Variants in PRDM15 observed in about 807,000 individuals in gnomAD.
PRDM15 encodes the protein PR/SET domain 15, also known as PR domain zinc finger protein 15.
In PRDM15, 64 loss-of-function variants were observed where a neutral mutation model predicts 128.6. The observed-to-expected ratio is 0.50, with a 90% confidence interval of 0.41 to 0.61. The LOEUF (loss-of-function observed/expected upper bound fraction) is 0.61, where lower values mean the gene tolerates loss of function less well. PRDM15 is among the 20% of genes least tolerant of loss of function. PRDM15 has a pLI of 0.00. For synonymous variants in PRDM15, 615 were observed against 621.8 expected, an observed-to-expected ratio of 0.99 and a Z score of 0.16; for missense variants, 1,242 against 1,569.1, an observed-to-expected ratio of 0.79 and a Z score of 3.52.
Position 41,828,708 on chromosome 21 carries a change from A to C in PRDM15, c.1367-375T>G, listed in dbSNP as rs975654597. Among the ~76,000 whole-genome samples, 1 of 151,814 alleles carries C rather than the reference A, an allele frequency of 6.6e-6. No individual in the cohort carries two copies. The highest frequency in any genetic ancestry group is 2.4e-5 in the African/African-American group (1 of 41,194). ...ACCCTCCACCCAGCATGACTGACTGACAGATAGAATGACCTACCTACCAAC... is the reference window on the plus strand; with the variant it reads ...ACCCTCCACCCAGCATGACTGACTGCCAGATAGAATGACCTACCTACCAAC... On this transcript the variant is annotated intron_variant, in intron 11 of 23. Coordinates refer to ENST00000398548, the MANE Select transcript of PRDM15 (RefSeq NM_001040424.3). The surrounding 1 kb of genome is among the most constrained non-coding windows in gnomAD (Gnocchi z 5.7).
intron 1 of PRDM15, chr21:41,871,691 C>A: frequency 6.6e-7 from 1 of 1,512,328 alleles, no homozygotes. Context: ...TGTCTTGAAA[C>A]ATGACAGAAA....
chr21:41,878,063 C>T (rs1230287501), intron 1 of PRDM15, among the ~76,000 whole-genome samples: 1 of 152,204 alleles, frequency 6.6e-6, no homozygotes, highest in Non-Finnish European at 1.5e-5. Flanking sequence ...GGATCACCAC[C>T]CTTATCGAGT....
chr21:41,825,918 G>T (rs1218615933), intron 13 of PRDM15, 42 bp downstream of exon 13: 1 of 1,422,502 alleles, frequency 7.0e-7, no homozygotes, highest in East Asian at 2.3e-5. Flanking sequence ...AGAAAATGAT[G>T]TGCTTTCCAT....
At chr21:41,874,318 G>C (rs1305241917) in intron 1 of PRDM15, among the ~76,000 whole-genome samples, 2 of 151,810 alleles carry the variant, frequency 1.3e-5, no homozygotes, top group Non-Finnish European at 2.9e-5. Flanking sequence ...CAGGTCAGAT[G>C]TGCTGGGGGA....
intron 1 of PRDM15, chr21:41,867,261 A>G (rs777089444): frequency 2.0e-6 from 3 of 1,511,184 alleles, no homozygotes; most frequent in Non-Finnish European, 2.7e-6. Flanking sequence ...TAACACCAAA[A>G]GGAGTTAAGA....
chr21:41,834,535 GCC>G, intron 11 of PRDM15: 1 of 1,549,726 alleles, frequency 6.5e-7, no homozygotes. Context: ...CTGCCGCCGG[GCC>G]CCCCCTCTCC....
intron 21 of PRDM15, among the ~76,000 whole-genome samples, chr21:41,808,942 T>C (rs547833436): frequency 1.3e-5 from 2 of 152,308 alleles, no homozygotes; most frequent in Admixed American, 1.3e-4. Flanking sequence ...CATCCAACGG[T>C]GAGAGCGGCA....
intron 21 of PRDM15, among the ~76,000 whole-genome samples, chr21:41,808,551 A>G (rs1172697151): frequency 2.0e-5 from 3 of 152,256 alleles, no homozygotes; most frequent in Non-Finnish European, 4.4e-5. Context: ...AGTCACTTTC[A>G]TTACAGGACA....
chr21:41,851,963 G>A (rs1367526269), intron 5 of PRDM15, among the ~76,000 whole-genome samples: 1 of 152,218 alleles, frequency 6.6e-6, no homozygotes, highest in African/African-American at 2.4e-5. Flanking sequence ...CATTTACACA[G>A]ACTGTCCTGG....
chr21:41,879,068 GC>G lies in PRDM15; in HGVS notation c.-10+201del. 8.8e-7 allele frequency: 1 copy of G among 1,132,958 alleles called. No individual in the cohort carries two copies. 70.2% of individuals were successfully genotyped at this position (1,132,958 alleles called of 1,614,324 possible). On this transcript the variant is annotated intron_variant, in intron 1 of 23. Transcript: ENST00000398548. This position sits in a 1 kb window ranked among gnomAD's most constrained non-coding sequence, Gnocchi z 5.1. ...ATCCAGCCGGGTTTTGACTCCGATC[GC>G]CAACGGTGCCCGCAGCCGGCGAATG...
chr21:41,833,129 C>T (rs73219061), intron 11 of PRDM15, among the ~76,000 whole-genome samples: 13,035 of 152,150 alleles, frequency 0.086, 711 homozygotes, highest in East Asian at 0.28. Context: ...GCTGGTGGGC[C>T]GCATTTTGCC....
chr21:41,860,280 G>A, intron 2 of PRDM15, 47 bp downstream of exon 2: 7 of 1,508,814 alleles, frequency 4.6e-6, no homozygotes, highest in Non-Finnish European at 6.5e-6. Context: ...TGTGTTCTAT[G>A]ACATAGGGCT....
chr21:41,833,462 G>T (rs1335497643), intron 11 of PRDM15, among the ~76,000 whole-genome samples: 1 of 152,204 alleles, frequency 6.6e-6, no homozygotes, highest in African/African-American at 2.4e-5. Context: ...AATGGGGAAG[G>T]CGTGACTCCC....
intron 22 of PRDM15, among the ~76,000 whole-genome samples, chr21:41,804,153 A>G (rs141484700): frequency 0.055 from 8,414 of 152,218 alleles, 330 homozygotes; most frequent in Middle Eastern, 0.11. Context: ...TAGTAGAGAC[A>G]GGGTTTTGCC....
At chr21:41,850,071 T>A (rs2063380682) in intron 5 of PRDM15, among the ~76,000 whole-genome samples, 1 of 152,272 alleles carries the variant, frequency 6.6e-6, no homozygotes, top group Non-Finnish European at 1.5e-5. Flanking sequence ...TGTATTTTAC[T>A]CTTTTCACCA....
chr21:41,871,747 C>T, intron 1 of PRDM15: 1 of 1,091,736 alleles, frequency 9.2e-7, no homozygotes. Flanking sequence ...AATCAGCAGC[C>T]TCCTTCCTGG....
At chr21:41,823,270 G>A (rs1292783934) in intron 14 of PRDM15, 48 bp downstream of exon 14, 3 of 1,595,078 alleles carry the variant, frequency 1.9e-6, no homozygotes, top group South Asian at 1.1e-5. Context: ...CGCTGGCCTG[G>A]GGGCCTGCCG....
chr21:41,853,178 C>T (rs1010863921), intron 5 of PRDM15, among the ~76,000 whole-genome samples: 11 of 152,294 alleles, frequency 7.2e-5, no homozygotes, highest in Non-Finnish European at 1.2e-4. Flanking sequence ...ATGGGGGCAG[C>T]GCAGCGCCGG....
In PRDM15 at chr21:41,810,098, G is replaced by A; in HGVS notation, c.2652+56C>T. The A allele has an allele frequency of 1.3e-6, 2 of 1,541,414 alleles. No homozygotes were observed. Among genetic ancestry groups the A allele is most frequent in the Non-Finnish European group, 8.8e-7 (1 of 1,138,748 alleles). ...AGGTGGGCCATGTGCCAGCATGGGG[G>A]TGTCCGGTGCGCGGCCCGCTGGCGG... On this transcript the variant is annotated intron_variant, in intron 21 of 23. Coordinates refer to ENST00000398548, the MANE Select transcript of PRDM15 (RefSeq NM_001040424.3). This position sits in a 1 kb window ranked among gnomAD's most constrained non-coding sequence, Gnocchi z 6.4.
Sources: gnomAD v4.1 joint callset for allele counts (sites outside exome capture counted in the v4.1 genomes callset) on GRCh38, gnomAD v4.1.1 for gene constraint, Gnocchi (gnomAD v3.1) non-coding constraint, MANE v1.5 for transcripts, NCBI Gene and HGNC (gene_info 2026-07-23, HGNC 2026-07-21) for gene names.